The following CCNY variants were observed in gnomAD, a reference collection of about 807,000 sequenced individuals.
CCNY encodes cyclin Y, also known as cyclin-Y.
CCNY carries 19 observed loss-of-function variants against 42.8 expected under a neutral mutation model. The ratio of observed to expected loss-of-function variants is 0.44; its 90% CI spans 0.31 to 0.65. CCNY has a LOEUF of 0.65. Among genes scored for constraint, CCNY ranks in the 30% least tolerant of loss-of-function variants. The pLI is 0.07. For missense variants in CCNY, 370 were observed against 437.3 expected (o/e 0.85, Z 1.37); for synonymous variants, 165 against 162.7 (o/e 1.01, Z -0.11).
intron 1 of CCNY, among the ~76,000 whole-genome samples, chr10:35,482,681 G>C (rs1400043826): frequency 2.0e-5 from 3 of 151,608 alleles, no homozygotes; most frequent in African/African-American, 4.8e-5. Context: ...GCTTCAGCCA[G>C]TTGTGTCCAC....
At chr10:35,401,410 C>G (rs1476158697) in intron 1 of CCNY, among the ~76,000 whole-genome samples, 1 of 152,192 alleles carries the variant, frequency 6.6e-6, no homozygotes, top group African/African-American at 2.4e-5. Context: ...ACTTTGCCGT[C>G]CAGTTCTGAT....
At chr10:35,312,659 A>G (rs913071821) in intron 3 of CCNY, among the ~76,000 whole-genome samples, 1 of 151,540 alleles carries the variant, frequency 6.6e-6, no homozygotes, top group African/African-American at 2.4e-5. Context: ...TCTGCCCCCC[A>G]TCTTGTAGAA....
At chr10:35,474,502 C>A (rs533487779) in intron 1 of CCNY, among the ~76,000 whole-genome samples, 81 of 152,312 alleles carry the variant, frequency 5.3e-4, no homozygotes, top group African/African-American at 1.9e-3. Context: ...GACCCCCGAG[C>A]AGCCTAACTG....
chr10:35,568,716 A>G (rs1219544466), intron 9 of CCNY, among the ~76,000 whole-genome samples: 1 of 152,242 alleles, frequency 6.6e-6, no homozygotes, highest in Non-Finnish European at 1.5e-5. Context: ...GAGGACGCCA[A>G]GGATTCAAAA....
At chr10:35,552,606 T>C (rs565429613) in intron 7 of CCNY, among the ~76,000 whole-genome samples, 6 of 152,324 alleles carry the variant, frequency 3.9e-5, no homozygotes, top group Admixed American at 6.5e-5. Context: ...TATCAACAAC[T>C]GCATGTATAT....
chr10:35,466,006 C>T (rs545189552), intron 1 of CCNY, among the ~76,000 whole-genome samples: 2 of 149,872 alleles, frequency 1.3e-5, no homozygotes, highest in Admixed American at 1.3e-4. Context: ...AAAGAAGCTC[C>T]TTGAGAGCGA....
At chr10:35,365,413 A>C (rs1836788783) in intron 1 of CCNY, among the ~76,000 whole-genome samples, 1 of 152,234 alleles carries the variant, frequency 6.6e-6, no homozygotes, top group Non-Finnish European at 1.5e-5. Flanking sequence ...TGTTTTCCAA[A>C]TTCAAAATGA....
At chr10:35,476,382 G>A (rs948127844) in intron 1 of CCNY, among the ~76,000 whole-genome samples, 6 of 152,026 alleles carry the variant, frequency 3.9e-5, no homozygotes, top group African/African-American at 1.2e-4. Context: ...CACATAGTTG[G>A]AAGTAAAGCT....
intron 1 of CCNY, among the ~76,000 whole-genome samples, chr10:35,481,680 G>T (rs765822131): frequency 6.6e-6 from 1 of 152,190 alleles, no homozygotes; most frequent in Non-Finnish European, 1.5e-5. Context: ...TTTTCTAGGG[G>T]ACTATGTGTT....
chr10:35,372,935 T>A (rs1388889921), intron 1 of CCNY, among the ~76,000 whole-genome samples: 1 of 152,150 alleles, frequency 6.6e-6, no homozygotes, highest in Non-Finnish European at 1.5e-5. Flanking sequence ...TGACTTCAGG[T>A]TATCCACCTG....
intron 1 of CCNY, among the ~76,000 whole-genome samples, chr10:35,456,391 A>G (rs1218245926): frequency 6.6e-6 from 1 of 152,230 alleles, no homozygotes; most frequent in East Asian, 1.9e-4. Context: ...TATAAGTGAA[A>G]TGGATTGTTT....
intron 1 of CCNY, among the ~76,000 whole-genome samples, chr10:35,454,978 G>A (rs1030075455): frequency 3.3e-5 from 5 of 152,348 alleles, no homozygotes; most frequent in Admixed American, 3.3e-4. Context: ...CCTGAATGCA[G>A]TGTACCTTCC....
chr10:35,516,701 G>A (rs1345788225), intron 4 of CCNY, 78 bp downstream of exon 4: 1 of 715,638 alleles, frequency 1.4e-6, no homozygotes, highest in East Asian at 3.5e-5. Context: ...TTAACTGAAT[G>A]CTTTTTCTGT....
intron 8 of CCNY, among the ~76,000 whole-genome samples, chr10:35,554,711 C>T (rs757096685): frequency 2.0e-5 from 3 of 152,178 alleles, no homozygotes; most frequent in Non-Finnish European, 4.4e-5. Context: ...GAGGGCCCCC[C>T]GACCATGACT....
intron 4 of CCNY, among the ~76,000 whole-genome samples, chr10:35,519,771 C>CTT (rs1840506827): frequency 5.8e-5 from 6 of 103,458 alleles, no homozygotes; most frequent in African/African-American, 1.2e-4. Flanking sequence ...TTTTTCTTTT[C>CTT]TTTTCTTTTT....
At chr10:35,343,463 C>T (rs1836231777) in intron 1 of CCNY, among the ~76,000 whole-genome samples, 1 of 144,482 alleles carries the variant, frequency 6.9e-6, no homozygotes, top group Non-Finnish European at 1.5e-5. Context: ...CATCTCGGCT[C>T]ACTGCAACCT....
At chr10:35,307,816 A>T (rs57405600) in intron 3 of CCNY, among the ~76,000 whole-genome samples, 15,202 of 68,046 alleles carry the variant, frequency 0.22, 1,500 homozygotes, top group South Asian at 0.29. Flanking sequence ...ATATATATAT[A>T]TATTTTTTTT....
At chr10:35,482,360 AT>A (rs1444281076) in intron 1 of CCNY, among the ~76,000 whole-genome samples, 2 of 152,226 alleles carry the variant, frequency 1.3e-5, no homozygotes, top group African/African-American at 4.8e-5. Flanking sequence ...TTTGAAGACC[AT>A]TCTGGCTTTC....
intron 3 of CCNY, among the ~76,000 whole-genome samples, chr10:35,282,038 C>A (rs2135054397): frequency 6.6e-6 from 1 of 151,352 alleles, no homozygotes; most frequent in Non-Finnish European, 1.5e-5. Context: ...CTTTTCTTGG[C>A]TTCAAGGACA....
Sources: gnomAD v4.1 joint callset for allele counts (sites outside exome capture counted in the v4.1 genomes callset) on GRCh38, gnomAD v4.1.1 for gene constraint, MANE v1.5 for transcripts, NCBI Gene and HGNC (gene_info 2026-07-23, HGNC 2026-07-21) for gene names.